Variants in PLAG1 observed in about 807,000 individuals in gnomAD.
The protein encoded by PLAG1 is PLAG1 zinc finger.
In PLAG1, 7 loss-of-function variants were observed where a neutral mutation model predicts 35.5. The observed-to-expected ratio is 0.20, with a 90% CI of 0.11 to 0.37. PLAG1 has a LOEUF of 0.37. PLAG1 is among the 10% of genes least tolerant of loss of function. PLAG1 has a pLI of 1.00. For missense variants in PLAG1, 454 were observed against 602.8 expected (o/e 0.75, Z 2.58); for synonymous variants, 229 against 225.4 (o/e 1.02, Z -0.14).
intron 1 of PLAG1, among the ~76,000 whole-genome samples, chr8:56,190,939 G>GTAA (rs2129230894): frequency 6.6e-6 from 1 of 152,296 alleles, no homozygotes; most frequent in African/African-American, 2.4e-5. Flanking sequence ...TTCCAGCAGA[G>GTAA]GAAATAGCAC....
chr8:56,196,880 C>T (rs539132003), intron 1 of PLAG1, among the ~76,000 whole-genome samples: 12 of 151,790 alleles, frequency 7.9e-5, no homozygotes, highest in East Asian at 5.8e-4. Context: ...ACACATGTGC[C>T]GCCTCCCTTT....
chr8:56,197,142 G>C (rs757652242), intron 1 of PLAG1, among the ~76,000 whole-genome samples: 10 of 151,970 alleles, frequency 6.6e-5, no homozygotes, highest in Non-Finnish European at 1.3e-4. Context: ...AGGTGTCTGT[G>C]TCTCTCTCCC....
Position 56,166,321 on chromosome 8 carries a change from C to T in PLAG1, c.1425G>A (p.Leu475=), listed in dbSNP as rs548976190. The part of the protein sequence containing the change: ...DPANTIGLGS[L]HSLSAAFTSS... ...TGGTGAAAGCTGCTGACAGTGAGTG[C>T]AGAGACCCAAGCCCTATAGTGTTTG... The change falls in exon 5 of 5, where the codon CTG becomes CTA. Residue 475 remains leucine, a synonymous_variant. Transcript: ENST00000316981. The T allele has an allele frequency of 6.4e-5, 104 of 1,613,580 alleles. 1 individual carries two copies. The South Asian group carries it at 1.1e-3, about 17-fold the overall frequency.
At chr8:56,210,460 C>A (rs1481437502) in intron 1 of PLAG1, among the ~76,000 whole-genome samples, 5 of 151,302 alleles carry the variant, frequency 3.3e-5, no homozygotes, top group Non-Finnish European at 5.9e-5. Context: ...AGACCCCGCA[C>A]CCCGACCCCG....
intron 2 of PLAG1, among the ~76,000 whole-genome samples, chr8:56,178,705 C>T (rs1420542843): frequency 2.0e-5 from 3 of 151,098 alleles, no homozygotes; most frequent in African/African-American, 7.3e-5. Context: ...GTTTTTTTTT[C>T]CAGTCTCCCC....
intron 2 of PLAG1, among the ~76,000 whole-genome samples, chr8:56,173,468 T>C (rs1195355560): frequency 1.3e-5 from 2 of 152,078 alleles, no homozygotes; most frequent in South Asian, 2.1e-4. Context: ...ACTGAAAAGT[T>C]AGATAAAATT....
At chr8:56,189,474 G>A (rs1442223993) in intron 1 of PLAG1, among the ~76,000 whole-genome samples, 2 of 152,130 alleles carry the variant, frequency 1.3e-5, no homozygotes, top group Non-Finnish European at 2.9e-5. Flanking sequence ...CAAACTTACA[G>A]ATAAACAAAT....
chr8:56,208,561 C>A (rs1812761738), intron 1 of PLAG1, among the ~76,000 whole-genome samples: 1 of 151,890 alleles, frequency 6.6e-6, no homozygotes, highest in Admixed American at 6.6e-5. Flanking sequence ...TACAGTAGGG[C>A]AAGAAAAAAC....
At chr8:56,175,226 A>C (rs911418299) in intron 2 of PLAG1, among the ~76,000 whole-genome samples, 4 of 152,228 alleles carry the variant, frequency 2.6e-5, no homozygotes, top group Admixed American at 6.5e-5. Context: ...CTCTAATCTT[A>C]ATACTAAGAA....
chr8:56,165,449 C>G lies in PLAG1; in HGVS notation c.*794G>C, dbSNP rs1811326408. ...CTACCTATATATCGACTCTGAAGAC[C>G]CCAATGCCATACACTATTACTATTA... On this transcript the variant is annotated 3_prime_UTR_variant, in exon 5 of 5. Coordinates refer to ENST00000316981, the MANE Select transcript of PLAG1 (RefSeq NM_002655.3). The G allele has an allele frequency of 4.6e-6, 1 of 216,320 alleles. No homozygotes were observed. Among genetic ancestry groups the G allele is most frequent in the Admixed American group, 5.8e-5 (1 of 17,206 alleles). 13.4% of individuals were successfully genotyped at this position (216,320 alleles called of 1,614,324 possible).
At chr8:56,178,210 T>C (rs1334762976) in intron 2 of PLAG1, 1 of 155,176 alleles carries the variant, frequency 6.4e-6, no homozygotes. Context: ...GGATCATGTT[T>C]AAAATATCAG....
At chr8:56,195,731 G>A (rs1262793649) in intron 1 of PLAG1, among the ~76,000 whole-genome samples, 2 of 152,150 alleles carry the variant, frequency 1.3e-5, no homozygotes, top group African/African-American at 2.4e-5. Context: ...GAGACAGGAG[G>A]TCCTGAAGCT....
At position 56,203,201 on chromosome 8, in the gene PLAG1, C is replaced by A. The variant is rs540639242; in HGVS notation, c.-322+7920G>T. On this transcript the variant is annotated intron_variant, in intron 1 of 4. Transcript: ENST00000316981. The stretch of plus-strand genomic sequence containing the variant: ...CAGAATTTTATATGTGTATTTTGTA[C>A]TTTGTTTACAAATTTCTAGGCATAA... Among the ~76,000 whole-genome samples the A allele has an allele frequency of 5.3e-5, 8 of 152,148 alleles. No homozygotes were observed. The South Asian group carries it at 6.2e-4, about 12-fold the overall frequency.
intron 2 of PLAG1, among the ~76,000 whole-genome samples, chr8:56,177,637 T>C (rs1811744236): frequency 6.6e-6 from 1 of 152,198 alleles, no homozygotes; most frequent in Non-Finnish European, 1.5e-5. Context: ...TTCATCCTCG[T>C]ATCCCTAGCA....
chr8:56,178,061 CT>C, intron 2 of PLAG1: 1 of 937,320 alleles, frequency 1.1e-6, no homozygotes, highest in Non-Finnish European at 1.3e-6. Flanking sequence ...TCCATAGCTC[CT>C]TAAGCACATG....
At position 56,168,989 on chromosome 8, in the gene PLAG1, C is replaced by T. The variant is rs79888881; in HGVS notation, c.-117-603G>A. Among the ~76,000 whole-genome samples the T allele has an allele frequency of 2.4e-3, 370 of 152,308 alleles. 10 individuals are homozygous for T. The East Asian group carries it at 0.061, about 25-fold the overall frequency. ...AGTGTCATCATACTCTGAGGGATTC[C>T]TGAGTCAAGAGTAGAAATGATTCAT... On this transcript the variant is annotated intron_variant, in intron 3 of 4. Transcript: ENST00000316981.
At chr8:56,210,287 A>T (rs1185279767) in intron 1 of PLAG1, among the ~76,000 whole-genome samples, 1 of 152,092 alleles carries the variant, frequency 6.6e-6, no homozygotes, top group African/African-American at 2.4e-5. Flanking sequence ...CGATTTTTTA[A>T]AAATTTTTAT....
At chr8:56,195,933 T>G (rs1267288647) in intron 1 of PLAG1, among the ~76,000 whole-genome samples, 1 of 152,050 alleles carries the variant, frequency 6.6e-6, no homozygotes, top group African/African-American at 2.4e-5. Flanking sequence ...AGGTGAGCAG[T>G]GATATCAAGA....
intron 1 of PLAG1, among the ~76,000 whole-genome samples, chr8:56,210,049 C>T (rs1420612130): frequency 1.3e-5 from 2 of 152,212 alleles, no homozygotes; most frequent in East Asian, 1.9e-4. Flanking sequence ...AGTTTCTGCA[C>T]TACCACCTCC....
Sources: gnomAD v4.1 joint callset for allele counts (sites outside exome capture counted in the v4.1 genomes callset) on GRCh38, gnomAD v4.1.1 for gene constraint, MANE v1.5 for transcripts, NCBI Gene and HGNC (gene_info 2026-07-23, HGNC 2026-07-21) for gene names.